Variants in DLEU7 observed in about 807,000 individuals in gnomAD.
DLEU7 encodes deleted in lymphocytic leukemia 7.
Under a neutral mutation model 16.0 loss-of-function variants are expected in DLEU7, and 17 were observed. The ratio of observed to expected loss-of-function variants is 1.06; its 90% CI spans 0.73 to 1.59. The LOEUF is 1.59. Ranked by LOEUF, DLEU7 falls within the 40% of genes most tolerant of loss-of-function variation. The pLI, the probability that DLEU7 is intolerant of heterozygous loss-of-function variation, is 0.00. For synonymous variants in DLEU7, 113 were observed against 139.8 expected (o/e 0.81, Z 1.35); for missense variants, 308 against 314.9 (o/e 0.98, Z 0.17).
At chr13:50,737,337 C>G (rs943883593) in intron 1 of DLEU7, among the ~76,000 whole-genome samples, 1 of 152,076 alleles carries the variant, frequency 6.6e-6, no homozygotes, top group Non-Finnish European at 1.5e-5. Flanking sequence ...GAAATTTAAC[C>G]TATTACAGGT....
chr13:50,717,435 TC>T (rs772593468), intron 1 of DLEU7, among the ~76,000 whole-genome samples: 33 of 152,188 alleles, frequency 2.2e-4, no homozygotes, highest in Admixed American at 3.9e-4. Context: ...GCAACTACAC[TC>T]ATTGTATCAT....
At chr13:50,762,938 C>A (rs933922949) in intron 1 of DLEU7, among the ~76,000 whole-genome samples, 1 of 152,134 alleles carries the variant, frequency 6.6e-6, no homozygotes, top group African/African-American at 2.4e-5. Flanking sequence ...TTCTTCCCAC[C>A]AGTGTGCCTC....
At chr13:50,804,382 T>G (rs1257483463) in intron 1 of DLEU7, among the ~76,000 whole-genome samples, 1 of 151,898 alleles carries the variant, frequency 6.6e-6, no homozygotes, top group African/African-American at 2.4e-5. Flanking sequence ...TTCTTTTGTG[T>G]CCACAAGAGA....
Position 50,816,894 on chromosome 13 carries a change from C to CCACACACA in DLEU7, c.459+26286_459+26293dup, listed in dbSNP as rs57294607. 2.0e-5 allele frequency among the ~76,000 whole-genome samples: 3 copies of CCACACACA among 151,574 alleles called. No homozygotes were observed. The South Asian group carries it at 6.3e-4, about 32-fold the overall frequency. The stretch of plus-strand genomic sequence containing the variant: ...CCTCCCTCCATCTGCACTACCCCCG[C>CCACACACA]CACACACACACACGGCGCCAAGCTT... On this transcript the variant is annotated intron_variant, in intron 1 of 1. Coordinates refer to the DLEU7 transcript ENST00000400393.
In DLEU7 at chr13:50,843,328, G is replaced by A; in HGVS notation, c.319C>T (p.Arg107Cys). The change falls in exon 1 of 2, where the codon CGC becomes TGC. Residue 107 changes from arginine to cysteine, a missense_variant. By Grantham distance (180) the Arg-to-Cys change is radical. Transcript: ENST00000504404. The surrounding 1 kb of genome is among the most constrained non-coding windows in gnomAD (Gnocchi z 5.7). The stretch of plus-strand genomic sequence containing the variant: ...ATCTGGGCCAGGGTGCAGGGCCCGC[G>A]GTCCCGGGGGAAGGGCAGCAACTCG... Reference protein sequence around the residue: ...GAELLPFPRDRGPCTLAQMAM... With the variant: ...GAELLPFPRDCGPCTLAQMAM... 6.7e-7 allele frequency: 1 copy of A among 1,490,476 alleles called. No homozygotes were observed. The highest frequency in any genetic ancestry group is 1.3e-5 in the South Asian group (1 of 76,400). 92.3% of individuals were successfully genotyped at this position (1,490,476 alleles called of 1,614,324 possible).
intron 1 of DLEU7, among the ~76,000 whole-genome samples, chr13:50,769,352 A>C (rs1875225342): frequency 6.6e-6 from 1 of 152,158 alleles, no homozygotes. Context: ...TTAGTCAAGA[A>C]GTTCTTGCCC....
At chr13:50,745,998 C>A (rs187774837) in intron 1 of DLEU7, among the ~76,000 whole-genome samples, 37 of 152,126 alleles carry the variant, frequency 2.4e-4, no homozygotes, top group Admixed American at 1.0e-3. Context: ...TTTAGGGAAC[C>A]GTAATGCCTA....
intron 1 of DLEU7, among the ~76,000 whole-genome samples, chr13:50,841,823 A>T (rs1055012515): frequency 7.2e-5 from 11 of 152,238 alleles, no homozygotes; most frequent in African/African-American, 2.6e-4. Context: ...ATTAAAAAAA[A>T]TTTTGGTGAT....
chr13:50,835,596 A>G (rs1877429919), intron 1 of DLEU7, among the ~76,000 whole-genome samples: 1 of 152,176 alleles, frequency 6.6e-6, no homozygotes, highest in Admixed American at 6.5e-5. Context: ...TTTGAAAGAT[A>G]TTCAAGGCAT....
At chr13:50,792,743 C>G (rs1875996336) in intron 1 of DLEU7, among the ~76,000 whole-genome samples, 4 of 131,114 alleles carry the variant, frequency 3.1e-5, no homozygotes, top group Admixed American at 3.0e-4. Context: ...CAAATATCAC[C>G]TCCTCAGAAA....
At chr13:50,760,843 T>C (rs920957140) in intron 1 of DLEU7, among the ~76,000 whole-genome samples, 2 of 152,176 alleles carry the variant, frequency 1.3e-5, no homozygotes, top group African/African-American at 2.4e-5. Context: ...GCCTGAAATC[T>C]TGATGGCTTA....
At chr13:50,742,950 C>T (rs1015485279) in intron 1 of DLEU7, among the ~76,000 whole-genome samples, 1 of 152,132 alleles carries the variant, frequency 6.6e-6, no homozygotes, top group Non-Finnish European at 1.5e-5. Context: ...AAACTCATGT[C>T]TGGAATTCAG....
At chr13:50,756,240 A>C (rs1187397095) in intron 1 of DLEU7, among the ~76,000 whole-genome samples, 1 of 152,176 alleles carries the variant, frequency 6.6e-6, no homozygotes, top group Non-Finnish European at 1.5e-5. Context: ...CTGTGGTAGT[A>C]TGGAGAGAAA....
chr13:50,752,512 T>A (rs148684967), intron 1 of DLEU7, among the ~76,000 whole-genome samples: 1 of 151,880 alleles, frequency 6.6e-6, no homozygotes, highest in Non-Finnish European at 1.5e-5. Flanking sequence ...TCGCGGTGAG[T>A]GTTACAGTTC....
intron 1 of DLEU7, among the ~76,000 whole-genome samples, chr13:50,775,380 T>A (rs1364774395): frequency 6.6e-6 from 1 of 152,152 alleles, no homozygotes; most frequent in Non-Finnish European, 1.5e-5. Context: ...AAGGTATAAG[T>A]TCTGGGTTTT....
intron 1 of DLEU7, among the ~76,000 whole-genome samples, chr13:50,790,514 C>T (rs988883751): frequency 7.2e-5 from 11 of 152,114 alleles, no homozygotes; most frequent in African/African-American, 2.7e-4. Flanking sequence ...TTGAGGCATT[C>T]TCCATGGAGT....
intron 1 of DLEU7, among the ~76,000 whole-genome samples, chr13:50,734,667 A>G (rs1388320489): frequency 1.3e-5 from 2 of 152,186 alleles, no homozygotes; most frequent in Non-Finnish European, 2.9e-5. Flanking sequence ...AAAAATAGGA[A>G]GAAGATGAGG....
chr13:50,837,321 G>A (rs1249172049), intron 1 of DLEU7, among the ~76,000 whole-genome samples: 5 of 152,072 alleles, frequency 3.3e-5, no homozygotes, highest in Middle Eastern at 3.2e-3. Context: ...AATAAAACAC[G>A]GTAACATTTT....
chr13:50,769,762 C>T (rs969728880), intron 1 of DLEU7, among the ~76,000 whole-genome samples: 12 of 152,192 alleles, frequency 7.9e-5, no homozygotes, highest in African/African-American at 2.7e-4. Context: ...ATTGACTTAG[C>T]AATGCGGGCT....
Sources: gnomAD v4.1 joint callset for allele counts (sites outside exome capture counted in the v4.1 genomes callset) on GRCh38, gnomAD v4.1.1 for gene constraint, Gnocchi (gnomAD v3.1) non-coding constraint, MANE v1.5 for transcripts, NCBI Gene and HGNC (gene_info 2026-07-23, HGNC 2026-07-21) for gene names.